The following IDE variants were observed in gnomAD, a reference collection of about 807,000 sequenced individuals.
The protein encoded by IDE is insulin degrading enzyme.
In IDE, 58 loss-of-function variants were observed where a neutral mutation model predicts 133.2. The ratio of observed to expected loss-of-function variants is 0.44; its 90% CI spans 0.35 to 0.54. The LOEUF is 0.54. Among genes scored for constraint, IDE ranks in the 20% least tolerant of loss-of-function variants. The probability of loss-of-function intolerance (pLI) is 0.00; values close to 1 mark genes in which losing one functional copy is unlikely to be tolerated. For synonymous variants in IDE, 396 were observed against 421.3 expected, an observed-to-expected ratio of 0.94 and a Z score of 0.73; for missense variants, 981 against 1,234.0, an observed-to-expected ratio of 0.79 and a Z score of 3.07.
chr10:92,483,857 C>G (rs1846771593), intron 13 of IDE, among the ~76,000 whole-genome samples: 1 of 152,160 alleles, frequency 6.6e-6, no homozygotes, highest in East Asian at 1.9e-4. Flanking sequence ...GGCTTGCATC[C>G]TGATCACTCA....
chr10:92,526,775 G>A (rs1401220726), intron 4 of IDE, among the ~76,000 whole-genome samples: 1 of 151,158 alleles, frequency 6.6e-6, no homozygotes, highest in Non-Finnish European at 1.5e-5. Flanking sequence ...GAGCCCAGGA[G>A]GAGGAGGTTA....
intron 19 of IDE, 98 bp from the exon 20 acceptor site, chr10:92,465,941 G>C: frequency 1.0e-6 from 1 of 998,752 alleles, no homozygotes; most frequent in Non-Finnish European, 1.5e-6. Flanking sequence ...TGATAATTTA[G>C]ACATTAATAG....
Position 92,573,990 on chromosome 10 carries a change from G to T in IDE, c.30C>A (p.His10Gln). 8.6e-6 allele frequency: 13 copies of T among 1,511,748 alleles called. No homozygotes were observed. The highest frequency in any genetic ancestry group is 1.1e-5 in the Non-Finnish European group (13 of 1,132,192). The allele number at this position is 1,511,748 out of a possible 1,614,324, so 93.6% of individuals were successfully genotyped here. Residue 10 changes from histidine to glutamine, a missense_variant, in exon 1 of 25, where the codon CAC becomes CAA. His to Gln is a conservative substitution (Grantham distance 24). This residue lies in a region of IDE where 321 missense variants were observed against 339.3 expected (regional missense o/e 0.95). Coordinates refer to ENST00000265986, the MANE Select transcript of IDE (RefSeq NM_004969.4). Reference sequence around the variant, plus strand: ...AGCGGAAGGTGCTGGGCAGTGCGGGGTGCAGAAGCCACGCTAGCCGGTACC... The same window carrying T: ...AGCGGAAGGTGCTGGGCAGTGCGGGTTGCAGAAGCCACGCTAGCCGGTACC... MRYRLAWLLHPALPSTFRSV... is the reference protein window; with the variant it reads MRYRLAWLLQPALPSTFRSV...
chr10:92,573,037 G>C (rs1843865679), intron 1 of IDE: 2 of 985,298 alleles, frequency 2.0e-6, no homozygotes, highest in Admixed American at 6.2e-5. Context: ...GTAGGTGCTG[G>C]CTATTACTGA....
intron 11 of IDE, 117 bp downstream of exon 11, chr10:92,504,677 T>C: frequency 1.5e-6 from 1 of 648,846 alleles, no homozygotes; most frequent in South Asian, 1.9e-5. Context: ...TATTCTCTAC[T>C]TTTGTAATGC....
At chr10:92,474,734 T>C (rs1347000300) in intron 17 of IDE, 107 bp downstream of exon 17, 3 of 985,582 alleles carry the variant, frequency 3.0e-6, no homozygotes, top group Non-Finnish European at 4.5e-6. Flanking sequence ...CCAGCTTTAA[T>C]AGAACTACAA....
chr10:92,455,063 A>G (rs752258810), intron 24 of IDE, among the ~76,000 whole-genome samples: 1 of 152,068 alleles, frequency 6.6e-6, no homozygotes, highest in Non-Finnish European at 1.5e-5. Context: ...TTCAAACAGG[A>G]GGCAAAGGCA....
At chr10:92,503,538 C>T (rs1227191844) in intron 11 of IDE, among the ~76,000 whole-genome samples, 1 of 152,030 alleles carries the variant, frequency 6.6e-6, no homozygotes, top group Non-Finnish European at 1.5e-5. Context: ...CTAGGAGTGA[C>T]AATAGATAGG....
intron 19 of IDE, among the ~76,000 whole-genome samples, chr10:92,466,294 C>A (rs114472061): frequency 0.035 from 5,337 of 150,790 alleles, 369 homozygotes; most frequent in African/African-American, 0.12. Context: ...CTCTCCCTCA[C>A]CCACCTCACA....
At chr10:92,466,725 C>T (rs1391042586) in intron 19 of IDE, among the ~76,000 whole-genome samples, 3 of 151,470 alleles carry the variant, frequency 2.0e-5, no homozygotes, top group Admixed American at 6.6e-5. Context: ...TCAAGCAACT[C>T]TCCTACCTCA....
Position 92,511,869 on chromosome 10 carries a change from CAA to C in IDE, c.785-1709_785-1708del, listed in dbSNP as rs574999054. Among the ~76,000 whole-genome samples the C allele has an allele frequency of 4.6e-5, 7 of 152,246 alleles. No individual in the cohort carries two copies. The South Asian group carries it at 1.0e-3, about 23-fold the overall frequency. On this transcript the variant is annotated intron_variant, in intron 5 of 24. Transcript: ENST00000265986. Reference sequence around the variant, plus strand: ...TATGACTTGAAACAAGGTGAGCAGTCAATAAAGGTTTGTGGGCCTGCAGTACT... The same window carrying C: ...TATGACTTGAAACAAGGTGAGCAGTCTAAAGGTTTGTGGGCCTGCAGTACT...
rs1409416626 is a variant in IDE, at chr10:92,506,541, C to A, written c.1246-19G>T. ...TCAAGTCCTAAAATAGAAAGTTAAT[C>A]CAATTAGATACGGCCACCCTTATTT... On this transcript the variant is annotated intron_variant, in intron 9 of 24. Transcript: ENST00000265986. 4 of 1,307,180 alleles carry A rather than the reference C, an allele frequency of 3.1e-6. No individual in the cohort carries two copies. Among genetic ancestry groups the A allele is most frequent in the South Asian group, 1.2e-5 (1 of 82,040 alleles). 81.0% of individuals were successfully genotyped at this position (1,307,180 alleles called of 1,614,324 possible). A position where few individuals can be genotyped will look rare whatever the true frequency, so the allele number is the denominator to read the frequency against.
In IDE at chr10:92,526,321, A is replaced by G. The variant is rs189794654; in HGVS notation, c.661+5427T>C. Among the ~76,000 whole-genome samples, 25 of 152,268 alleles carry G rather than the reference A, an allele frequency of 1.6e-4. No individual in the cohort carries two copies. In the East Asian group the frequency reaches 2.5e-3, roughly 15 times the overall value. On this transcript the variant is annotated intron_variant, in intron 4 of 24. Transcript: ENST00000265986. Reference sequence around the variant, plus strand: ...ACTATCCAAAGCTATCTACAGATTCAATGCAACCCCTATCAAAATACCAAT... The same window carrying G: ...ACTATCCAAAGCTATCTACAGATTCGATGCAACCCCTATCAAAATACCAAT...
Position 92,479,258 on chromosome 10 carries a change from C to T in IDE, c.1884+19G>A. On this transcript the variant is annotated intron_variant, in intron 15 of 24. Coordinates refer to ENST00000265986, the MANE Select transcript of IDE (RefSeq NM_004969.4). ...AAAAAATGTTGATGAGTGGAAGGCT[C>T]TAAGGCGTGGGTACTTACATACATC... The T allele has an allele frequency of 6.3e-7, 1 of 1,583,324 alleles. No individual in the cohort carries two copies. Among genetic ancestry groups the T allele is most frequent in the Non-Finnish European group, 8.7e-7 (1 of 1,155,502 alleles).
intron 1 of IDE, among the ~76,000 whole-genome samples, chr10:92,547,304 G>A (rs188447433): frequency 6.7e-6 from 1 of 150,196 alleles, no homozygotes; most frequent in Non-Finnish European, 1.5e-5. Flanking sequence ...AGGATGACTC[G>A]AACTCCTGGG....
chr10:92,525,563 G>C (rs1281862809), intron 4 of IDE, among the ~76,000 whole-genome samples: 2 of 151,992 alleles, frequency 1.3e-5, no homozygotes, highest in African/African-American at 4.8e-5. Context: ...AAGACATAAA[G>C]GGCATCCAAA....
chr10:92,537,325 A>T (rs368074944), intron 2 of IDE, 41 bp downstream of exon 2: 1 of 1,501,932 alleles, frequency 6.7e-7, no homozygotes, highest in Non-Finnish European at 9.1e-7. Flanking sequence ...CATTAGGTCA[A>T]TGAAACAAAA....
chr10:92,533,081 A>C (rs868541947), intron 3 of IDE, among the ~76,000 whole-genome samples: 1 of 152,218 alleles, frequency 6.6e-6, no homozygotes, highest in Non-Finnish European at 1.5e-5. Context: ...AAAATGTCTA[A>C]TAGCTACATA....
Position 92,498,950 on chromosome 10 carries a change from C to T in IDE, c.1430+5844G>A, listed in dbSNP as rs1252464742. ...GTAGAAGGTATATGATAAAATTCAA[C>T]CGGATTTAGGCTGATTTTTCCCCCC... is the stretch of plus-strand genomic sequence containing the variant. On this transcript the variant is annotated intron_variant, in intron 11 of 24. Transcript: ENST00000265986. Among the ~76,000 whole-genome samples, 3 of 152,056 alleles carry T rather than the reference C, an allele frequency of 2.0e-5. No individual in the cohort carries two copies. In the East Asian group the frequency reaches 5.8e-4, roughly 29 times the overall value.
Sources: allele counts gnomAD v4.1 joint callset (sites outside exome capture counted in the v4.1 genomes callset), GRCh38; gene constraint gnomAD v4.1.1; regional missense constraint gnomAD v4.1.1; transcripts MANE v1.5; gene names NCBI Gene and HGNC (gene_info 2026-07-23, HGNC 2026-07-21).